THAP2: variants seen among roughly 807,000 people sequenced by gnomAD.
THAP2 encodes THAP domain containing 2, also known as THAP domain-containing protein 2.
In THAP2, 16 loss-of-function variants were observed where a neutral mutation model predicts 18.8. The ratio of observed to expected loss-of-function variants is 0.85; its 90% CI spans 0.58 to 1.29. The LOEUF (loss-of-function observed/expected upper bound fraction) is 1.29, where lower values mean the gene tolerates loss of function less well. THAP2 is among the 50% of genes most tolerant of loss of function. THAP2 has a pLI of 0.00. For missense variants in THAP2, 251 were observed against 265.3 expected, an observed-to-expected ratio of 0.95 and a Z score of 0.38; for synonymous variants, 80 against 89.2, an observed-to-expected ratio of 0.90 and a Z score of 0.58.
chr12:71,675,176 A>C (rs1425044469), intron 2 of THAP2, among the ~76,000 whole-genome samples: 1 of 152,028 alleles, frequency 6.6e-6, no homozygotes, highest in African/African-American at 2.4e-5. Context: ...GAAAGGGAGG[A>C]CAAACATGTT....
At chr12:71,668,463 A>G (rs1881379726) in intron 1 of THAP2, among the ~76,000 whole-genome samples, 1 of 111,844 alleles carries the variant, frequency 8.9e-6, no homozygotes, top group African/African-American at 6.2e-5. Flanking sequence ...CCCACTTTAC[A>G]TATGATAAAA....
chr12:71,676,613 T>C (rs2137582800), intron 2 of THAP2, 76 bp from the exon 3 acceptor site: 1 of 1,457,734 alleles, frequency 6.9e-7, no homozygotes, highest in Admixed American at 2.3e-5. Context: ...AATACTGTTA[T>C]CCAAAACTGG....
Position 71,676,959 on chromosome 12 carries a change from A to G in THAP2, c.538A>G (p.Ser180Gly), listed in dbSNP as rs753811011. 4.3e-6 allele frequency: 7 copies of G among 1,613,686 alleles called. No homozygotes were observed. In the East Asian group the frequency reaches 1.6e-4, roughly 36 times the overall value. The change falls in exon 3 of 3, where the codon AGT becomes GGT. Residue 180 changes from serine (S) to glycine (G), a missense_variant. Transcript: ENST00000308086. ...TCLVKNLEAN[S>G]VLPKGTSEHM... ...TTTGGTAAAGAATTTAGAAGCAAAT[A>G]GTGTATTACCTAAAGGTACATCAGA... is the stretch of plus-strand genomic sequence containing the variant.
rs1199867625 is a variant in THAP2, at chr12:71,680,343, G to C, written c.*3235G>C. On this transcript the variant is annotated 3_prime_UTR_variant, in exon 3 of 3. Coordinates refer to ENST00000308086, the MANE Select transcript of THAP2 (RefSeq NM_031435.4). Reference sequence around the variant, plus strand: ...ACGTATGAACCAGGTTACTAAAATAGGATAAATCATGTGTCTTAAAATATG... The same window carrying C: ...ACGTATGAACCAGGTTACTAAAATACGATAAATCATGTGTCTTAAAATATG... 4 of 152,460 alleles carry C rather than the reference G, an allele frequency of 2.6e-5. No individual in the cohort carries two copies. The allele number at this position is 152,460 out of a possible 1,614,324, so 9.4% of individuals were successfully genotyped here.
chr12:71,673,350 C>A (rs1881472887), intron 1 of THAP2, among the ~76,000 whole-genome samples: 1 of 151,722 alleles, frequency 6.6e-6, no homozygotes, highest in Non-Finnish European at 1.5e-5. Flanking sequence ...GTTTCAAATT[C>A]AAATATATTT....
chr12:71,680,460 T>G lies in THAP2; in HGVS notation c.*3352T>G, dbSNP rs1320461384. On this transcript the variant is annotated 3_prime_UTR_variant, in exon 3 of 3. Coordinates refer to ENST00000308086, the MANE Select transcript of THAP2 (RefSeq NM_031435.4). Reference sequence around the variant, plus strand: ...TCATTTCTCAATATTAGAATACGGGTAGATTTTAATTTTGCTATAATATAG... The same window carrying G: ...TCATTTCTCAATATTAGAATACGGGGAGATTTTAATTTTGCTATAATATAG... 1 of 152,608 alleles carries G rather than the reference T, an allele frequency of 6.6e-6. No individual in the cohort carries two copies. The highest frequency in any genetic ancestry group is 1.5e-5 in the Non-Finnish European group (1 of 68,020). 9.5% of individuals were successfully genotyped at this position (152,608 alleles called of 1,614,324 possible).
Position 71,676,738 on chromosome 12 carries a change from C to T in THAP2, c.317C>T (p.Ala106Val), listed in dbSNP as rs372269929. 6.2e-7 allele frequency: 1 copy of T among 1,604,496 alleles called. No homozygotes were observed. Among genetic ancestry groups the T allele is most frequent in the African/African-American group, 1.3e-5 (1 of 74,322 alleles). Residue 106 changes from alanine (A) to valine (V), a missense_variant, in exon 3 of 3, where the codon GCT (alanine) becomes GTT (valine). Transcript: ENST00000308086. Reference sequence around the variant, plus strand: ...AAGAAAAACAACAGTTGTTCTCCAGCTGGACCATCTAATTTAAAATCAAAC... The same window carrying T: ...AAGAAAAACAACAGTTGTTCTCCAGTTGGACCATCTAATTTAAAATCAAAC... The part of the protein sequence containing the change: ...LLKKNNSCSP[A>V]GPSNLKSNIS...
chr12:71,664,838 G>T (rs999162133), intron 1 of THAP2: 2 of 703,088 alleles, frequency 2.8e-6, no homozygotes, highest in Admixed American at 2.0e-5. Context: ...GGAGGATATC[G>T]TAATTTTCTA....
intron 1 of THAP2, among the ~76,000 whole-genome samples, chr12:71,671,169 T>C (rs1881430459): frequency 6.6e-6 from 1 of 152,190 alleles, no homozygotes; most frequent in South Asian, 2.1e-4. Flanking sequence ...TCATAATTTC[T>C]GTCTTACTCT....
Position 71,674,201 on chromosome 12 carries a change from A to C in THAP2, c.72-2A>C. On this transcript the variant is annotated splice_acceptor_variant, in intron 1 of 2. Transcript: ENST00000308086. LOFTEE classifies it high-confidence loss of function. ...TTTGAGTTGCATTTTTTTTTTTTTAAGGTTTCCTTTGGATCCTAAAAGAAG... is the reference window on the plus strand; with the variant it reads ...TTTGAGTTGCATTTTTTTTTTTTTACGGTTTCCTTTGGATCCTAAAAGAAG... The C allele has an allele frequency of 6.5e-7, 1 of 1,532,570 alleles. No individual in the cohort carries two copies. The highest frequency in any genetic ancestry group is 8.8e-7 in the Non-Finnish European group (1 of 1,141,934). The allele number at this position is 1,532,570 out of a possible 1,614,324, so 94.9% of individuals were successfully genotyped here.
rs1881539354 is a variant in THAP2 at position 71,677,415 on chromosome 12, T to C, written c.*307T>C. 5.7e-6 allele frequency: 1 copy of C among 174,290 alleles called. No individual in the cohort carries two copies. The highest frequency in any genetic ancestry group is 1.2e-5 in the Non-Finnish European group (1 of 82,284). 10.8% of individuals were successfully genotyped at this position (174,290 alleles called of 1,614,324 possible). On this transcript the variant is annotated 3_prime_UTR_variant, in exon 3 of 3. Transcript: ENST00000308086. ...AAAGAACAGCTTATGATAAGTAATATGTTTAACTTAGAGAAGAATTTTTTC... is the reference window on the plus strand; with the variant it reads ...AAAGAACAGCTTATGATAAGTAATACGTTTAACTTAGAGAAGAATTTTTTC...
In THAP2 at chr12:71,664,353, C is replaced by A. The variant is rs1427846433; in HGVS notation, c.-157C>A. ...GAAGGCTGACCGTCCTTCGCCTCCG[C>A]CCCCACATACACACCCCTTCTTCCC... is the stretch of plus-strand genomic sequence containing the variant. On this transcript the variant is annotated 5_prime_UTR_variant, in exon 1 of 3. Transcript: ENST00000308086. The A allele has an allele frequency of 1.4e-5, 11 of 779,872 alleles. No individual in the cohort carries two copies. Among genetic ancestry groups the A allele is most frequent in the Non-Finnish European group, 2.3e-5 (11 of 475,354 alleles). 48.3% of individuals were successfully genotyped at this position (779,872 alleles called of 1,614,324 possible).
At position 71,677,595 on chromosome 12, in the gene THAP2, G is replaced by A. The variant is rs906623154; in HGVS notation, c.*487G>A. ...TTATAGAAAAAAAGGTACAGGGCAA[G>A]TTTTTAAATTAAAACTTTCTATATT... On this transcript the variant is annotated 3_prime_UTR_variant, in exon 3 of 3. Transcript: ENST00000308086. 1.3e-5 allele frequency: 2 copies of A among 152,082 alleles called. No homozygotes were observed. Among genetic ancestry groups the A allele is most frequent in the Non-Finnish European group, 2.9e-5 (2 of 67,966 alleles). 9.4% of individuals were successfully genotyped at this position (152,082 alleles called of 1,614,324 possible). A position where few individuals can be genotyped will look rare whatever the true frequency, so the allele number is the denominator to read the frequency against.
At chr12:71,674,940 G>A (rs1184908227) in intron 2 of THAP2, among the ~76,000 whole-genome samples, 5 of 151,826 alleles carry the variant, frequency 3.3e-5, no homozygotes, top group Non-Finnish European at 7.4e-5. Flanking sequence ...GGGTTGAGGC[G>A]TGAGTAGGAA....
intron 1 of THAP2, chr12:71,664,908 G>T (rs1277450456): frequency 1.4e-6 from 1 of 702,334 alleles, no homozygotes; most frequent in East Asian, 2.7e-5. Context: ...GGGAGAAAGA[G>T]ATCTTCCCAA....
chr12:71,679,513 C>T lies in THAP2; in HGVS notation c.*2405C>T, dbSNP rs1186305730. The T allele has an allele frequency of 7.2e-5, 11 of 151,876 alleles. No individual in the cohort carries two copies. The highest frequency in any genetic ancestry group is 3.3e-4 in the Admixed American group (5 of 15,252). The allele number at this position is 151,876 out of a possible 1,614,324, so 9.4% of individuals were successfully genotyped here. A position where few individuals can be genotyped will look rare whatever the true frequency, so the allele number is the denominator to read the frequency against. Reference sequence around the variant, plus strand: ...TTATAATGGATTTTTTTTCCTCTCCCGGTCACAACACAGATCTTCTGTTCA... The same window carrying T: ...TTATAATGGATTTTTTTTCCTCTCCTGGTCACAACACAGATCTTCTGTTCA... On this transcript the variant is annotated 3_prime_UTR_variant, in exon 3 of 3. Transcript: ENST00000308086.
At chr12:71,676,111 C>CA (rs1229806543) in intron 2 of THAP2, among the ~76,000 whole-genome samples, 2 of 151,668 alleles carry the variant, frequency 1.3e-5, no homozygotes, top group African/African-American at 2.4e-5. Flanking sequence ...GAGATAAAAG[C>CA]AAAAAAAGTC....
chr12:71,664,864 G>C (rs1881302951), intron 1 of THAP2: 1 of 702,562 alleles, frequency 1.4e-6, no homozygotes, highest in Non-Finnish European at 2.6e-6. Flanking sequence ...TTATTCCTCT[G>C]TTAGACCGGG....
rs187711258 is a variant in THAP2 at position 71,664,435 on chromosome 12, G to A, written c.-75G>A. The A allele has an allele frequency of 3.5e-4, 547 of 1,583,948 alleles. 1 individual carries two copies. In the African/African-American group the frequency reaches 5.2e-3, roughly 15 times the overall value. On this transcript the variant is annotated 5_prime_UTR_variant, in exon 1 of 3. Coordinates refer to ENST00000308086, the MANE Select transcript of THAP2 (RefSeq NM_031435.4). ...AAGGCACGCCTGCCTCGATTGTCCA[G>A]CCTCTGCCAGAAGAAAGCTTAGCAG...
Sources: gnomAD v4.1 joint callset for allele counts (sites outside exome capture counted in the v4.1 genomes callset) on GRCh38, gnomAD v4.1.1 for gene constraint, MANE v1.5 for transcripts, NCBI Gene and HGNC (gene_info 2026-07-23, HGNC 2026-07-21) for gene names.